The following PRKCE variants were observed in gnomAD, a reference collection of about 807,000 sequenced individuals.
The protein encoded by PRKCE is protein kinase C epsilon type.
Under a neutral mutation model 85.4 loss-of-function variants are expected in PRKCE, and 16 were observed. The ratio of observed to expected loss-of-function variants is 0.19; its 90% confidence interval spans 0.13 to 0.28. PRKCE has a LOEUF of 0.28. PRKCE is among the 10% of genes least tolerant of loss of function. The pLI is 1.00. For missense variants in PRKCE, 573 were observed against 975.2 expected (o/e 0.59, Z 5.49); for synonymous variants, 388 against 371.5 (o/e 1.04, Z -0.51).
At chr2:45,824,234 C>G (rs1346580370) in intron 1 of PRKCE, among the ~76,000 whole-genome samples, 1 of 152,222 alleles carries the variant, frequency 6.6e-6, no homozygotes, top group Non-Finnish European at 1.5e-5. Flanking sequence ...TCCATTAATC[C>G]TCTCCAATCA....
intron 2 of PRKCE, among the ~76,000 whole-genome samples, chr2:45,946,817 C>T (rs1700274796): frequency 6.6e-6 from 1 of 152,234 alleles, no homozygotes. Context: ...CAGGATGCTG[C>T]ACCAGTGCAA....
intron 10 of PRKCE, among the ~76,000 whole-genome samples, chr2:46,018,938 A>G (rs1706403532): frequency 6.6e-6 from 1 of 152,238 alleles, no homozygotes; most frequent in Non-Finnish European, 1.5e-5. Flanking sequence ...TTAGCAGTGA[A>G]TGGACCGCAT....
chr2:45,818,854 C>T (rs1000058985), intron 1 of PRKCE, among the ~76,000 whole-genome samples: 2 of 152,132 alleles, frequency 1.3e-5, no homozygotes, highest in African/African-American at 4.8e-5. Context: ...CATTTGCCAC[C>T]GAGTGTATCT....
At chr2:46,027,388 CA>C (rs1707194299) in intron 10 of PRKCE, among the ~76,000 whole-genome samples, 1 of 151,824 alleles carries the variant, frequency 6.6e-6, no homozygotes, top group Non-Finnish European at 1.5e-5. Flanking sequence ...CAGGGAAGTC[CA>C]AATAGGGACT....
chr2:46,077,055 A>G (rs1211030996), intron 10 of PRKCE, among the ~76,000 whole-genome samples: 1 of 152,188 alleles, frequency 6.6e-6, no homozygotes, highest in Non-Finnish European at 1.5e-5. Context: ...GGATGATGAT[A>G]AGTCCTAGTG....
chr2:46,160,688 A>C (rs2104585100), intron 14 of PRKCE, among the ~76,000 whole-genome samples: 1 of 152,322 alleles, frequency 6.6e-6, no homozygotes. Flanking sequence ...GTCAGCCCTC[A>C]GTCACCCAGC....
At chr2:46,179,356 G>A (rs181963667) in intron 14 of PRKCE, among the ~76,000 whole-genome samples, 18 of 152,126 alleles carry the variant, frequency 1.2e-4, no homozygotes. Context: ...CTCTGCCCTG[G>A]GCTCCCAACA....
In PRKCE at chr2:45,697,096, CCT is replaced by C. The variant is rs1246038590; in HGVS notation, c.348+44649_348+44650del. ...TCCATGGTAATATTAAAGATTATCCCCTGATTGGAAAAGGTGGATGTTGTTCT... is the reference window on the plus strand; with the variant it reads ...TCCATGGTAATATTAAAGATTATCCCGATTGGAAAAGGTGGATGTTGTTCT... On this transcript the variant is annotated intron_variant, in intron 1 of 14. Transcript: ENST00000306156. The surrounding 1 kb of genome is among the most constrained non-coding windows in gnomAD (Gnocchi z 4.2). 1.3e-5 allele frequency among the ~76,000 whole-genome samples: 2 copies of C among 152,192 alleles called. No individual in the cohort carries two copies. The highest frequency in any genetic ancestry group is 1.3e-4 in the Admixed American group (2 of 15,282).
chr2:46,144,637 T>C (rs868812948), intron 11 of PRKCE, among the ~76,000 whole-genome samples: 8 of 152,344 alleles, frequency 5.3e-5, no homozygotes, highest in Non-Finnish European at 8.8e-5. Flanking sequence ...CTCATAGTGT[T>C]CTATAAAGTA....
chr2:46,149,708 T>C (rs959629365), intron 12 of PRKCE, among the ~76,000 whole-genome samples: 4 of 135,884 alleles, frequency 2.9e-5, no homozygotes, highest in Non-Finnish European at 6.3e-5. Context: ...TATATATATA[T>C]GTATTTTTAT....
At chr2:45,734,828 G>C (rs1681912603) in intron 1 of PRKCE, among the ~76,000 whole-genome samples, 1 of 152,232 alleles carries the variant, frequency 6.6e-6, no homozygotes, top group South Asian at 2.1e-4. Flanking sequence ...GCCCCTTCCT[G>C]AGGGCAGCCC....
At chr2:45,949,894 T>C (rs1700510729) in intron 2 of PRKCE, among the ~76,000 whole-genome samples, 1 of 152,052 alleles carries the variant, frequency 6.6e-6, no homozygotes. Flanking sequence ...TTGTTTTTTT[T>C]TTTAAAGAAA....
chr2:45,765,892 A>G (rs4575771), intron 1 of PRKCE, among the ~76,000 whole-genome samples: 150,766 of 152,308 alleles, frequency 0.99, 74,633 homozygotes, highest in African/African-American at 1. Context: ...ATCAAGAGAA[A>G]AGCCTGTCCA....
intron 1 of PRKCE, among the ~76,000 whole-genome samples, chr2:45,835,884 C>T (rs76111643): frequency 0.077 from 11,726 of 152,184 alleles, 581 homozygotes; most frequent in Middle Eastern, 0.13. Flanking sequence ...GGTGAGCCAC[C>T]GTGCCCGGTC....
chr2:46,009,072 G>C (rs1225293400), intron 9 of PRKCE, among the ~76,000 whole-genome samples: 2 of 152,216 alleles, frequency 1.3e-5, no homozygotes, highest in African/African-American at 4.8e-5. Context: ...AGAAAGGCTT[G>C]TGACGTTTGT....
chr2:45,815,083 C>T (rs1321865684), intron 1 of PRKCE, among the ~76,000 whole-genome samples: 2 of 152,108 alleles, frequency 1.3e-5, no homozygotes, highest in African/African-American at 4.8e-5. Context: ...AGCATCCTCC[C>T]CATGGGAGAA....
chr2:45,819,522 G>C lies in PRKCE; in HGVS notation c.349-23478G>C, dbSNP rs1279194649. Among the ~76,000 whole-genome samples the C allele has an allele frequency of 2.0e-5, 3 of 152,162 alleles. No individual in the cohort carries two copies. The East Asian group carries it at 5.8e-4, about 29-fold the overall frequency. On this transcript the variant is annotated intron_variant, in intron 1 of 14. Coordinates refer to ENST00000306156, the MANE Select transcript of PRKCE (RefSeq NM_005400.3). Reference sequence around the variant, plus strand: ...CCAAGGCTCAAGGCTGTGGTTTCAGGGATGATTCTCTTCCACCTTGCTCCC... The same window carrying C: ...CCAAGGCTCAAGGCTGTGGTTTCAGCGATGATTCTCTTCCACCTTGCTCCC...
rs141551028 is a variant in PRKCE, at chr2:46,018,748, A to G, written c.1437+8231A>G. On this transcript the variant is annotated intron_variant, in intron 10 of 14. Coordinates refer to ENST00000306156, the MANE Select transcript of PRKCE (RefSeq NM_005400.3). ...TTCATACATATATATTTATAACATC[A>G]GTATCATACTCTATGTAAACTGTTT... Among the ~76,000 whole-genome samples, 6 of 152,374 alleles carry G rather than the reference A, an allele frequency of 3.9e-5. No individual in the cohort carries two copies. The East Asian group carries it at 1.2e-3, about 29-fold the overall frequency.
chr2:46,065,041 G>A (rs566322310), intron 10 of PRKCE, among the ~76,000 whole-genome samples: 7 of 152,106 alleles, frequency 4.6e-5, no homozygotes, highest in Non-Finnish European at 7.3e-5. Context: ...GTACATCCTC[G>A]ACCCTTCAAA....
Sources: allele counts gnomAD v4.1 joint callset (sites outside exome capture counted in the v4.1 genomes callset), GRCh38; gene constraint gnomAD v4.1.1; non-coding constraint Gnocchi (gnomAD v3.1); transcripts MANE v1.5; gene names NCBI Gene and HGNC (gene_info 2026-07-23, HGNC 2026-07-21).